PCDH9: variants seen among roughly 807,000 people sequenced by gnomAD.
PCDH9 encodes protocadherin-9.
PCDH9 carries 24 observed loss-of-function variants against 70.6 expected under a neutral mutation model. That is an observed-to-expected ratio of 0.34 (90% confidence interval 0.25 to 0.48). The LOEUF is 0.48. Ranked by LOEUF, PCDH9 falls within the 20% of genes least tolerant of loss-of-function variation. The probability of loss-of-function intolerance (pLI) is 0.99; values close to 1 mark genes in which losing one functional copy is unlikely to be tolerated. For missense variants in PCDH9, 1,281 were observed against 1,503.6 expected, an observed-to-expected ratio of 0.85 and a Z score of 2.45; for synonymous variants, 562 against 558.5, an observed-to-expected ratio of 1.01 and a Z score of -0.09.
chr13:66,658,074 T>C (rs190953311), intron 3 of PCDH9, among the ~76,000 whole-genome samples: 1 of 152,218 alleles, frequency 6.6e-6, no homozygotes, highest in Admixed American at 6.5e-5. Flanking sequence ...CTAGGTTATA[T>C]GCAAGAACAA....
At chr13:66,517,609 T>C (rs1158031099) in intron 4 of PCDH9, among the ~76,000 whole-genome samples, 1 of 152,152 alleles carries the variant, frequency 6.6e-6, no homozygotes, top group Non-Finnish European at 1.5e-5. Flanking sequence ...AAACGTGTCT[T>C]GGAATGAATT....
At chr13:67,016,899 C>T (rs1308221421) in intron 2 of PCDH9, among the ~76,000 whole-genome samples, 1 of 152,114 alleles carries the variant, frequency 6.6e-6, no homozygotes, top group Non-Finnish European at 1.5e-5. Context: ...TCAATAATAG[C>T]ACCTACTACA....
intron 2 of PCDH9, among the ~76,000 whole-genome samples, chr13:66,911,073 C>G (rs930847851): frequency 1.3e-5 from 2 of 152,122 alleles, no homozygotes; most frequent in African/African-American, 4.8e-5. Context: ...TCTCAGCAAA[C>G]TATTTAATGA....
intron 3 of PCDH9, among the ~76,000 whole-genome samples, chr13:66,692,486 A>T (rs189417718): frequency 9.2e-5 from 14 of 152,010 alleles, no homozygotes; most frequent in Non-Finnish European, 1.8e-4. Context: ...TGAATAAAAG[A>T]AAATAATGTT....
At chr13:66,667,105 T>C (rs1185668802) in intron 3 of PCDH9, among the ~76,000 whole-genome samples, 1 of 152,012 alleles carries the variant, frequency 6.6e-6, no homozygotes, top group East Asian at 1.9e-4. Flanking sequence ...ACAGAGTATG[T>C]TGAGAAAAGA....
intron 4 of PCDH9, among the ~76,000 whole-genome samples, chr13:66,328,657 T>A (rs1955888246): frequency 6.6e-6 from 1 of 151,960 alleles, no homozygotes; most frequent in African/African-American, 2.4e-5. Flanking sequence ...CCATGTTAAC[T>A]GAGAATGGTT....
chr13:66,821,110 A>AT (rs1224203342), intron 3 of PCDH9, among the ~76,000 whole-genome samples: 1 of 152,182 alleles, frequency 6.6e-6, no homozygotes, highest in Non-Finnish European at 1.5e-5. Context: ...AGTTATTTAC[A>AT]TTTTGTAAAT....
intron 4 of PCDH9, among the ~76,000 whole-genome samples, chr13:66,407,582 T>C (rs1364004448): frequency 6.6e-6 from 1 of 152,188 alleles, no homozygotes; most frequent in East Asian, 1.9e-4. Context: ...TTTCAAGGCA[T>C]CACATCTTAA....
At chr13:66,571,946 T>C (rs905934908) in intron 4 of PCDH9, among the ~76,000 whole-genome samples, 19 of 152,074 alleles carry the variant, frequency 1.2e-4, no homozygotes, top group African/African-American at 3.6e-4. Flanking sequence ...TTCCAGAAAA[T>C]TAGGAATAAT....
chr13:66,682,334 T>C (rs960364251), intron 3 of PCDH9, among the ~76,000 whole-genome samples: 1 of 150,724 alleles, frequency 6.6e-6, no homozygotes, highest in Non-Finnish European at 1.5e-5. Context: ...CCTATCGCTA[T>C]GCCTGTAGCT....
intron 2 of PCDH9, among the ~76,000 whole-genome samples, chr13:67,156,034 G>T (rs2087802130): frequency 1.3e-5 from 2 of 152,064 alleles, no homozygotes; most frequent in Non-Finnish European, 2.9e-5. Flanking sequence ...CGGAGATACA[G>T]GAGTGCTGGG....
chr13:66,830,294 A>G (rs2080902689), intron 3 of PCDH9, among the ~76,000 whole-genome samples: 1 of 152,176 alleles, frequency 6.6e-6, no homozygotes, highest in Admixed American at 6.5e-5. Context: ...TTGGCTTTCT[A>G]AAGTCTAGAG....
intron 3 of PCDH9, among the ~76,000 whole-genome samples, chr13:66,826,838 G>A (rs567750407): frequency 6.6e-6 from 1 of 152,102 alleles, no homozygotes; most frequent in Non-Finnish European, 1.5e-5. Context: ...GAGAAACTTG[G>A]AGGCTGTAAA....
intron 2 of PCDH9, among the ~76,000 whole-genome samples, chr13:66,953,894 G>A (rs1184618691): frequency 1.3e-5 from 2 of 152,160 alleles, no homozygotes; most frequent in East Asian, 1.9e-4. Context: ...ACCGGAAGAC[G>A]TAATAGTCAT....
At chr13:66,758,639 A>T (rs2079573927) in intron 3 of PCDH9, among the ~76,000 whole-genome samples, 1 of 152,034 alleles carries the variant, frequency 6.6e-6, no homozygotes, top group Admixed American at 6.6e-5. Context: ...GTATTAAAAA[A>T]ATAAATTTGC....
intron 4 of PCDH9, 78 bp downstream of exon 4, chr13:66,631,132 T>C: frequency 2.7e-6 from 2 of 750,756 alleles, no homozygotes; most frequent in East Asian, 2.5e-5. Flanking sequence ...CCTTGCCCCC[T>C]ACAATTATTT....
intron 2 of PCDH9, among the ~76,000 whole-genome samples, chr13:67,186,408 G>T (rs149500328): frequency 6.6e-6 from 1 of 152,208 alleles, no homozygotes; most frequent in Non-Finnish European, 1.5e-5. Flanking sequence ...CTATAATAAA[G>T]AACTGCTTCT....
chr13:66,957,703 C>T (rs9540956), intron 2 of PCDH9, among the ~76,000 whole-genome samples: 25,434 of 152,068 alleles, frequency 0.17, 2,313 homozygotes, highest in Non-Finnish European at 0.2. Context: ...CACTCACTCT[C>T]TTTCTCTCTC....
At chr13:66,424,198 C>T (rs1004694673) in intron 4 of PCDH9, among the ~76,000 whole-genome samples, 4 of 152,110 alleles carry the variant, frequency 2.6e-5, no homozygotes, top group Non-Finnish European at 5.9e-5. Flanking sequence ...AATGGAAAAA[C>T]ATTCCATGCT....
Sources: gnomAD v4.1 joint callset for allele counts (sites outside exome capture counted in the v4.1 genomes callset) on GRCh38, gnomAD v4.1.1 for gene constraint, MANE v1.5 for transcripts, NCBI Gene and HGNC (gene_info 2026-07-23, HGNC 2026-07-21) for gene names.